The following DHRS4L2 variants were observed in gnomAD, a reference collection of about 807,000 sequenced individuals.
DHRS4L2 encodes dehydrogenase/reductase SDR family member 4-like 2.
A neutral mutation model predicts 23.9 loss-of-function variants in DHRS4L2; 22 were observed. The observed-to-expected ratio is 0.92, with a 90% CI of 0.66 to 1.31. The LOEUF (loss-of-function observed/expected upper bound fraction) is 1.31, where lower values mean the gene tolerates loss of function less well. DHRS4L2 is among the 40% of genes most tolerant of loss of function. The pLI is 0.00. For missense variants in DHRS4L2, 385 were observed against 303.3 expected (o/e 1.27, Z -2.00); for synonymous variants, 141 against 123.7 (o/e 1.14, Z -0.93).
chr14:23,993,252 G>A (rs1050388897), intron 2 of DHRS4L2, among the ~76,000 whole-genome samples: 17 of 151,786 alleles, frequency 1.1e-4, no homozygotes, highest in African/African-American at 4.1e-4. Flanking sequence ...ACTTGGCTTT[G>A]TGCCAGGATG....
intron 2 of DHRS4L2, among the ~76,000 whole-genome samples, chr14:23,994,326 C>T (rs1430270637): frequency 6.6e-6 from 1 of 151,482 alleles, no homozygotes; most frequent in African/African-American, 2.4e-5. Flanking sequence ...AAGGAGCTTT[C>T]CAAAGGGAAA....
chr14:23,994,393 G>C (rs142168252), intron 2 of DHRS4L2, among the ~76,000 whole-genome samples: 6,001 of 151,754 alleles, frequency 0.04, 251 homozygotes, highest in Middle Eastern at 0.12. Context: ...GGGAAGAAAA[G>C]ACTGCAAAAG....
chr14:23,987,677 A>C (rs56013927), upstream of DHRS4L2, among the ~76,000 whole-genome samples: 3,388 of 151,734 alleles, frequency 0.022, 111 homozygotes, highest in Middle Eastern at 0.054. Context: ...CACACACACA[A>C]AAAGAAGGAA....
upstream of DHRS4L2, among the ~76,000 whole-genome samples, chr14:23,984,060 AAG>A (rs1420976917): frequency 6.6e-6 from 1 of 151,670 alleles, no homozygotes; most frequent in Non-Finnish European, 1.5e-5. Context: ...ATGTAAAAAA[AAG>A]AAATTAAAAA....
chr14:23,986,768 C>T (rs1489762407), upstream of DHRS4L2, among the ~76,000 whole-genome samples: 8 of 149,240 alleles, frequency 5.4e-5, 1 homozygote, highest in Non-Finnish European at 1.0e-4. Context: ...TTGAACCAAG[C>T]CCTGAGAACC....
intron 5 of DHRS4L2, 132 bp from the exon 6 acceptor site, chr14:24,001,252 C>A: frequency 2.6e-6 from 4 of 1,567,594 alleles, no homozygotes; most frequent in Non-Finnish European, 3.5e-6. Context: ...GGAGGTTTAG[C>A]CACAAGACAG....
intron 1 of DHRS4L2, among the ~76,000 whole-genome samples, chr14:23,978,770 C>CTGG (rs1426946665): frequency 1.6e-5 from 2 of 126,762 alleles, no homozygotes; most frequent in Admixed American, 8.2e-5. Context: ...ACCACCAGGC[C>CTGG]TGATGTACAA....
chr14:23,994,654 C>T (rs1410087426), intron 2 of DHRS4L2, among the ~76,000 whole-genome samples: 2 of 151,742 alleles, frequency 1.3e-5, no homozygotes, highest in Admixed American at 1.3e-4. Context: ...TGCCACTGTG[C>T]TCCAGTCTGG....
At chr14:24,003,921 G>A (rs1454877367) in intron 6 of DHRS4L2, among the ~76,000 whole-genome samples, 2 of 80,428 alleles carry the variant, frequency 2.5e-5, no homozygotes, top group Admixed American at 1.1e-4. Flanking sequence ...CAATCATGTC[G>A]TCTGCAAACA....
intron 2 of DHRS4L2, 95 bp downstream of exon 2, chr14:23,990,454 A>C: frequency 6.8e-7 from 1 of 1,460,978 alleles, no homozygotes; most frequent in South Asian, 1.4e-5. Flanking sequence ...GCACATTTTT[A>C]CTGTGTGCCT....
chr14:23,995,856 T>C (rs1468183078), intron 3 of DHRS4L2, among the ~76,000 whole-genome samples: 2 of 151,842 alleles, frequency 1.3e-5, no homozygotes, highest in African/African-American at 4.8e-5. Context: ...TGATCTCCCA[T>C]GGTTCTGCGT....
chr14:23,986,233 C>T (rs1814627382), upstream of DHRS4L2, among the ~76,000 whole-genome samples: 2 of 151,314 alleles, frequency 1.3e-5, no homozygotes, highest in South Asian at 4.2e-4. Context: ...TTCTTGACTT[C>T]CTTCTATCCT....
chr14:24,005,706 T>C (rs2034560071), intron 7 of DHRS4L2, among the ~76,000 whole-genome samples, 180 bp from the exon 8 acceptor site: 1 of 152,044 alleles, frequency 6.6e-6, no homozygotes, highest in Non-Finnish European at 1.5e-5. Context: ...AGTATGCTTA[T>C]ACTAAATTAT....
chr14:23,992,743 T>A (rs182677915), intron 2 of DHRS4L2, among the ~76,000 whole-genome samples: 18 of 150,710 alleles, frequency 1.2e-4, no homozygotes, highest in Admixed American at 1.1e-3. Context: ...TGCAGTGCAG[T>A]GACATGATCA....
chr14:23,987,333 G>A (rs963695540), upstream of DHRS4L2: 2 of 252,248 alleles, frequency 7.9e-6, no homozygotes, highest in Non-Finnish European at 1.6e-5. Context: ...GTTTCACCGT[G>A]TTAGCCAGGA....
upstream of DHRS4L2, among the ~76,000 whole-genome samples, chr14:23,987,001 G>C (rs890852322): frequency 6.6e-6 from 1 of 151,642 alleles, no homozygotes; most frequent in Non-Finnish European, 1.5e-5. Flanking sequence ...CTGTCTCATC[G>C]GGATGTGCTG....
intron 1 of DHRS4L2, among the ~76,000 whole-genome samples, chr14:23,976,889 GT>G (rs1341049276): frequency 6.6e-6 from 1 of 151,756 alleles, no homozygotes; most frequent in Admixed American, 6.6e-5. Flanking sequence ...TCACTCATAA[GT>G]GGAAGTGGAA....
chr14:23,973,738 C>A (rs1040708452), intron 1 of DHRS4L2, among the ~76,000 whole-genome samples: 3 of 151,582 alleles, frequency 2.0e-5, no homozygotes, highest in Non-Finnish European at 2.9e-5. Context: ...CAGGAGAACC[C>A]AGATTCATAA....
intron 1 of DHRS4L2, among the ~76,000 whole-genome samples, chr14:23,982,083 C>A (rs910904915): frequency 2.6e-5 from 4 of 151,656 alleles, no homozygotes; most frequent in Non-Finnish European, 4.4e-5. Context: ...GGGTGTCGGG[C>A]TGGGGGACGG....
Sources: allele counts gnomAD v4.1 joint callset (sites outside exome capture counted in the v4.1 genomes callset), GRCh38; gene constraint gnomAD v4.1.1; transcripts MANE v1.5; gene names NCBI Gene and HGNC (gene_info 2026-07-23, HGNC 2026-07-21).